DMD: variants seen among roughly 807,000 people sequenced by gnomAD.
DMD encodes the protein mutant dystrophin.
DMD carries 63 observed loss-of-function variants against 330.1 expected under a neutral mutation model. The ratio of observed to expected loss-of-function variants is 0.19; its 90% CI spans 0.16 to 0.24. DMD has a LOEUF of 0.24. Ranked by LOEUF, DMD falls within the 10% of genes least tolerant of loss-of-function variation. The pLI is 1.00. For synonymous variants in DMD, 1,223 were observed against 959.8 expected (o/e 1.27, Z -5.07); for missense variants, 3,344 against 2,684.1 (o/e 1.25, Z -5.43).
At chrX:32,447,446 G>A (rs756499297) in intron 27 of DMD, among the ~76,000 whole-genome samples, 4 of 110,907 alleles carry the variant, frequency 3.6e-5, no homozygotes, top group South Asian at 3.7e-4. Flanking sequence ...GGAGAAACTC[G>A]GATCACATTT....
chrX:32,491,279 T>C lies in DMD; in HGVS notation c.2620A>G (p.Lys874Glu), dbSNP rs376771463. Residue 874 changes from lysine to glutamate, a missense_variant and splice_region_variant, in exon 20 of 79, where the codon AAG becomes GAG. Transcript: ENST00000357033. ...TAIKSQLKICKDEVNRLSDLQ... is the reference protein window; with the variant it reads ...TAIKSQLKICEDEVNRLSDLQ... Reference sequence around the variant, plus strand: ...ATGGAAGGAGAAGAGATTCTTACCTTACAAATTTTTAACTGACTTTTAATT... The same window carrying C: ...ATGGAAGGAGAAGAGATTCTTACCTCACAAATTTTTAACTGACTTTTAATT... The C allele has an allele frequency of 1.2e-5, 14 of 1,211,699 alleles. No individual in the cohort carries two copies. The highest frequency in any genetic ancestry group is 1.7e-5 in the African/African-American group (1 of 57,807).
intron 37 of DMD, among the ~76,000 whole-genome samples, chrX:32,355,887 TCTATATACCTA>T (rs2097797314): frequency 9.0e-6 from 1 of 110,532 alleles, no homozygotes; most frequent in African/African-American, 3.3e-5. Flanking sequence ...AAAATGAATA[TCTATATACCTA>T]CAATGTACCT....
At chrX:31,127,455 A>C (rs1342848034) in intron 77 of DMD, among the ~76,000 whole-genome samples, 2 of 112,760 alleles carry the variant, frequency 1.8e-5, no homozygotes, top group Non-Finnish European at 3.8e-5. Context: ...ATAAGTCATA[A>C]TTGGACAGAA....
intron 27 of DMD, among the ~76,000 whole-genome samples, chrX:32,447,141 A>T (rs1441394190): frequency 9.0e-6 from 1 of 110,792 alleles, no homozygotes; most frequent in African/African-American, 3.3e-5. Context: ...TTTTATTTAA[A>T]CATTGTCAGA....
chrX:32,962,765 T>C (rs1229044428), intron 2 of DMD, among the ~76,000 whole-genome samples: 1 of 112,342 alleles, frequency 8.9e-6, no homozygotes, highest in African/African-American at 3.2e-5. Flanking sequence ...GTACTTGATA[T>C]GCTTGGAGGC....
intron 48 of DMD, among the ~76,000 whole-genome samples, chrX:31,863,069 T>C (rs756430077): frequency 1.2e-4 from 14 of 112,114 alleles, no homozygotes; most frequent in Non-Finnish European, 5.7e-5. Flanking sequence ...TGCGGCCGGG[T>C]GAGGTGGCTC....
intron 37 of DMD, among the ~76,000 whole-genome samples, chrX:32,352,810 A>C (rs2097786332): frequency 9.0e-6 from 1 of 110,640 alleles, no homozygotes; most frequent in African/African-American, 3.3e-5. Context: ...CTGTTATTTC[A>C]GGAGTTTCTA....
chrX:32,229,281 C>T (rs2147961621), intron 43 of DMD, among the ~76,000 whole-genome samples: 1 of 110,276 alleles, frequency 9.1e-6, no homozygotes, highest in African/African-American at 3.3e-5. Context: ...AACCTAACCT[C>T]CTTTCTAAGC....
chrX:31,261,453 C>A (rs1217525109), intron 62 of DMD: 1 of 158,146 alleles, frequency 6.3e-6, no homozygotes, highest in African/African-American at 3.1e-5. Flanking sequence ...CATCTCACTT[C>A]TCATTTGCTT....
At chrX:32,896,968 G>A (rs2149280536) in intron 2 of DMD, among the ~76,000 whole-genome samples, 1 of 112,201 alleles carries the variant, frequency 8.9e-6, no homozygotes, top group South Asian at 3.7e-4. Flanking sequence ...TTTCTTTTGA[G>A]GGTTTTCACA....
intron 2 of DMD, among the ~76,000 whole-genome samples, chrX:32,956,053 AAT>A (rs988213548): frequency 9.0e-6 from 1 of 111,040 alleles, no homozygotes; most frequent in African/African-American, 3.3e-5. Context: ...TGAACTTTGA[AAT>A]AGTTTCTTCT....
chrX:31,203,154 C>T (rs1010121824), intron 67 of DMD, among the ~76,000 whole-genome samples: 12 of 108,467 alleles, frequency 1.1e-4, no homozygotes, highest in South Asian at 8.6e-4. Context: ...TGGCGGTGGG[C>T]GCCTGTAATC....
chrX:31,224,607 A>G (rs1173863838), intron 63 of DMD, among the ~76,000 whole-genome samples: 1 of 111,237 alleles, frequency 9.0e-6, no homozygotes, highest in Non-Finnish European at 1.9e-5. Flanking sequence ...TTAAACACAC[A>G]TGTATATTAT....
intron 44 of DMD, among the ~76,000 whole-genome samples, chrX:31,982,530 T>C (rs1296012840): frequency 9.0e-6 from 1 of 111,682 alleles, no homozygotes; most frequent in African/African-American, 3.2e-5. Flanking sequence ...AATGGCATCA[T>C]TGTTTACATT....
chrX:31,814,945 A>G (rs1438764314), intron 50 of DMD, among the ~76,000 whole-genome samples: 4 of 112,275 alleles, frequency 3.6e-5, no homozygotes, highest in Non-Finnish European at 3.8e-5. Flanking sequence ...CTTCTAAGCT[A>G]TAACATCCTC....
intron 1 of DMD, among the ~76,000 whole-genome samples, chrX:33,129,325 C>CTGTTTTTT (rs2095483839): frequency 3.3e-5 from 1 of 30,713 alleles, no homozygotes; most frequent in Non-Finnish European, 5.2e-5. Context: ...TTAAGGTTTG[C>CTGTTTTTT]TTTTTTTTTT....
chrX:31,965,479 A>T (rs1156546514), intron 45 of DMD, among the ~76,000 whole-genome samples: 2 of 112,154 alleles, frequency 1.8e-5, no homozygotes, highest in African/African-American at 6.5e-5. Flanking sequence ...CTGTGACTTC[A>T]TAGGTACTGA....
At chrX:31,213,052 T>C (rs988258062) in intron 64 of DMD, among the ~76,000 whole-genome samples, 1 of 112,598 alleles carries the variant, frequency 8.9e-6, no homozygotes, top group African/African-American at 3.2e-5. Context: ...AGAACTGCTG[T>C]ATGTTTGCTG....
At chrX:31,652,552 C>T (rs769777996) in intron 54 of DMD, among the ~76,000 whole-genome samples, 8 of 111,546 alleles carry the variant, frequency 7.2e-5, no homozygotes, top group East Asian at 2.8e-4. Flanking sequence ...GTTCTTACTA[C>T]GCACTAGGCA....
Sources: allele counts gnomAD v4.1 joint callset (sites outside exome capture counted in the v4.1 genomes callset), GRCh38; gene constraint gnomAD v4.1.1; transcripts MANE v1.5; gene names NCBI Gene and HGNC (gene_info 2026-07-23, HGNC 2026-07-21).